CELF2: variants seen among roughly 807,000 people sequenced by gnomAD.
The protein encoded by CELF2 is CUGBP Elav-like family member 2.
A neutral mutation model predicts 62.6 loss-of-function variants in CELF2; 8 were observed. The observed-to-expected ratio is 0.13, with a 90% CI of 0.07 to 0.23. The LOEUF (loss-of-function observed/expected upper bound fraction) is 0.23. Ranked by LOEUF, CELF2 falls within the 10% of genes least tolerant of loss-of-function variation. The pLI, the probability that CELF2 is intolerant of heterozygous loss-of-function variation, is 1.00. For missense variants in CELF2, 333 were observed against 671.0 expected, an observed-to-expected ratio of 0.50 and a Z score of 5.56; for synonymous variants, 258 against 250.0, an observed-to-expected ratio of 1.03 and a Z score of -0.30.
chr10:10,604,061 A>G, the CELF2 span, among the ~76,000 whole-genome samples: 3 of 152,172 alleles, frequency 2.0e-5, no homozygotes, highest in South Asian at 6.2e-4. Flanking sequence ...AATACAAAAA[A>G]TTGCCAGGTA....
In CELF2 at chr10:11,198,280, G is replaced by A. The variant is rs186113043; in HGVS notation, c.272-19145G>A. Among the ~76,000 whole-genome samples the A allele has an allele frequency of 5.3e-5, 8 of 152,288 alleles. No homozygotes were observed. In the East Asian group the frequency reaches 9.6e-4, roughly 18 times the overall value. ...TTCTGCTGTCCTTAATATGGGAGCC[G>A]AATGCAGTGACTGATAAAAACTGCA... On this transcript the variant is annotated intron_variant, in intron 2 of 12. Coordinates refer to ENST00000633077, the MANE Select transcript of CELF2 (RefSeq NM_001326342.2).
the CELF2 span, among the ~76,000 whole-genome samples, chr10:10,789,839 A>G: frequency 5.9e-5 from 9 of 152,066 alleles, no homozygotes; most frequent in Admixed American, 2.0e-4. Context: ...AGATCCATAT[A>G]TATTTCTTAA....
At chr10:10,540,063 A>G in the CELF2 span, among the ~76,000 whole-genome samples, 2 of 152,190 alleles carry the variant, frequency 1.3e-5, no homozygotes, top group Non-Finnish European at 2.9e-5. Flanking sequence ...TACTTGAGGC[A>G]GCTAAAAACT....
At chr10:10,640,841 C>T in the CELF2 span, among the ~76,000 whole-genome samples, 63 of 152,330 alleles carry the variant, frequency 4.1e-4, no homozygotes, top group African/African-American at 1.5e-3. Flanking sequence ...TGCTCTTCAT[C>T]GCATGGCTGC....
intron 2 of CELF2, among the ~76,000 whole-genome samples, chr10:10,949,594 C>T (rs1425276819): frequency 6.6e-6 from 1 of 151,784 alleles, no homozygotes; most frequent in Admixed American, 6.6e-5. Context: ...GAGTTCAAGA[C>T]CAGCCTGGCC....
chr10:10,609,318 G>A, the CELF2 span, among the ~76,000 whole-genome samples: 1 of 152,224 alleles, frequency 6.6e-6, no homozygotes, highest in East Asian at 1.9e-4. Context: ...TGCTTATTTG[G>A]CATCTGATAG....
At position 11,236,808 on chromosome 10, in the gene CELF2, A is replaced by G. The variant is rs72775828; in HGVS notation, c.355-12345A>G. On this transcript the variant is annotated intron_variant, in intron 3 of 12. Coordinates refer to ENST00000633077, the MANE Select transcript of CELF2 (RefSeq NM_001326342.2). ...AGATTGGCAAAGGAAATACGTGTGT[A>G]CGTGCATGAGAAGGGTCATTGTGCC... Among the ~76,000 whole-genome samples, 1,254 of 152,336 alleles carry G rather than the reference A, an allele frequency of 8.2e-3. 15 individuals are homozygous for G. The highest frequency in any genetic ancestry group is 0.014 in the Middle Eastern group (4 of 294).
the CELF2 span, among the ~76,000 whole-genome samples, chr10:10,549,157 C>T: frequency 6.6e-6 from 1 of 152,166 alleles, no homozygotes; most frequent in African/African-American, 2.4e-5. Context: ...TTGTGGTAAA[C>T]TAGTTTGCTT....
intron 1 of CELF2, among the ~76,000 whole-genome samples, chr10:10,831,625 G>A (rs1016803055): frequency 8.5e-5 from 13 of 152,180 alleles, no homozygotes; most frequent in African/African-American, 3.1e-4. Flanking sequence ...CCAAATCAAT[G>A]TTCCCCTAAG....
intron 1 of CELF2, among the ~76,000 whole-genome samples, chr10:11,037,191 A>G (rs537166304): frequency 6.6e-6 from 1 of 152,342 alleles, no homozygotes; most frequent in South Asian, 2.1e-4. Flanking sequence ...GGAAGAGCAA[A>G]GGGACATCTT....
the CELF2 span, among the ~76,000 whole-genome samples, chr10:10,623,771 C>G: frequency 2.6e-5 from 4 of 152,178 alleles, no homozygotes; most frequent in Non-Finnish European, 4.4e-5. Flanking sequence ...ATTTACTGTT[C>G]TAAGTGCTTT....
At chr10:10,650,894 C>T in the CELF2 span, among the ~76,000 whole-genome samples, 11 of 152,238 alleles carry the variant, frequency 7.2e-5, no homozygotes, top group African/African-American at 2.2e-4. Context: ...GGAACAGCTC[C>T]GGTCTACAGC....
the CELF2 span, among the ~76,000 whole-genome samples, chr10:10,464,911 G>A: frequency 6.6e-6 from 1 of 152,110 alleles, no homozygotes; most frequent in African/African-American, 2.4e-5. Context: ...ATATCAGTTT[G>A]TCTTTTCTTC....
the CELF2 span, among the ~76,000 whole-genome samples, chr10:10,520,854 C>T: frequency 6.6e-5 from 10 of 151,968 alleles, no homozygotes; most frequent in Non-Finnish European, 1.0e-4. Flanking sequence ...TCATCAGAAG[C>T]GGAATATAAA....
chr10:10,465,620 T>A, the CELF2 span, among the ~76,000 whole-genome samples: 1 of 152,224 alleles, frequency 6.6e-6, no homozygotes, highest in South Asian at 2.1e-4. Context: ...TCAGGAGGTA[T>A]CAAGTCTCAT....
chr10:11,226,679 C>A (rs1017432701), intron 3 of CELF2, among the ~76,000 whole-genome samples: 2 of 151,962 alleles, frequency 1.3e-5, no homozygotes, highest in African/African-American at 4.8e-5. Flanking sequence ...ATCGGGGCAC[C>A]TGGCAGCGGC....
At chr10:10,640,465 C>T in the CELF2 span, among the ~76,000 whole-genome samples, 4 of 152,200 alleles carry the variant, frequency 2.6e-5, no homozygotes, top group East Asian at 3.8e-4. Flanking sequence ...ATCCCCTTCC[C>T]CTCCTCCCAC....
chr10:10,786,478 GA>G, the CELF2 span, among the ~76,000 whole-genome samples: 58,939 of 144,274 alleles, frequency 0.41, 11,686 homozygotes, highest in East Asian at 0.52. Context: ...TGATCCATTT[GA>G]AAAAAAAAAA....
intron 1 of CELF2, among the ~76,000 whole-genome samples, chr10:11,129,447 G>A (rs908036455): frequency 6.6e-6 from 1 of 152,148 alleles, no homozygotes; most frequent in African/African-American, 2.4e-5. Context: ...AGTTTCAGAC[G>A]GAAAGGTACC....
Sources: allele counts gnomAD v4.1 joint callset (sites outside exome capture counted in the v4.1 genomes callset), GRCh38; gene constraint gnomAD v4.1.1; transcripts MANE v1.5; gene names NCBI Gene and HGNC (gene_info 2026-07-23, HGNC 2026-07-21).